The following CSMD3 variants were observed in gnomAD, a reference collection of about 807,000 sequenced individuals.
CSMD3 encodes CUB and sushi domain-containing protein 3.
Under a neutral mutation model 435.2 loss-of-function variants are expected in CSMD3, and 177 were observed. That is an observed-to-expected ratio of 0.41 (90% CI 0.36 to 0.46). The LOEUF is 0.46. CSMD3 is among the 20% of genes least tolerant of loss of function. The pLI is 0.34. For synonymous variants in CSMD3, 1,656 were observed against 1,520.5 expected, an observed-to-expected ratio of 1.09 and a Z score of -2.07; for missense variants, 4,265 against 4,504.6, an observed-to-expected ratio of 0.95 and a Z score of 1.52.
intron 35 of CSMD3, among the ~76,000 whole-genome samples, chr8:112,399,494 A>G (rs1446062584): frequency 6.6e-6 from 1 of 152,094 alleles, no homozygotes; most frequent in African/African-American, 2.4e-5. Flanking sequence ...TGACCTTGTG[A>G]TCTGCTCAGC....
intron 10 of CSMD3, among the ~76,000 whole-genome samples, chr8:112,907,105 T>G (rs1011609633): frequency 6.6e-6 from 1 of 151,382 alleles, no homozygotes; most frequent in Non-Finnish European, 1.5e-5. Context: ...AAAAGACAAA[T>G]CAGAAAAGGG....
intron 9 of CSMD3, among the ~76,000 whole-genome samples, chr8:112,938,893 T>C (rs1025292212): frequency 6.6e-6 from 1 of 152,134 alleles, no homozygotes; most frequent in East Asian, 1.9e-4. Context: ...CTGCTAAGTA[T>C]AGGAACTTCT....
rs1454445008 is a variant in CSMD3 at position 112,266,760 on chromosome 8, CA to C, written c.9509-1171del. 2.6e-5 allele frequency among the ~76,000 whole-genome samples: 4 copies of C among 152,236 alleles called. No homozygotes were observed. The East Asian group carries it at 7.7e-4, about 29-fold the overall frequency. The stretch of plus-strand genomic sequence containing the variant: ...TTTGATTAAATACAAACATAAGATT[CA>C]AACACTACAAAGATTATATATGTCA... On this transcript the variant is annotated intron_variant, in intron 59 of 70. Transcript: ENST00000297405.
At chr8:113,042,012 GA>G (rs1464843616) in intron 5 of CSMD3, among the ~76,000 whole-genome samples, 1 of 152,080 alleles carries the variant, frequency 6.6e-6, no homozygotes, top group African/African-American at 2.4e-5. Context: ...AAACATACTA[GA>G]ATTAATGCTT....
At chr8:112,274,496 C>T (rs1817844220) in intron 59 of CSMD3, among the ~76,000 whole-genome samples, 2 of 152,018 alleles carry the variant, frequency 1.3e-5, no homozygotes, top group South Asian at 2.1e-4. Context: ...AGAGAAATGT[C>T]TCTAGAGATA....
chr8:113,341,507 T>C (rs1035889043), intron 1 of CSMD3, among the ~76,000 whole-genome samples: 1 of 152,066 alleles, frequency 6.6e-6, no homozygotes, highest in Admixed American at 6.6e-5. Context: ...ATTTATAAAA[T>C]TTGTCTAACA....
chr8:112,434,132 T>C (rs980500308), intron 32 of CSMD3, among the ~76,000 whole-genome samples: 19 of 152,120 alleles, frequency 1.2e-4, no homozygotes, highest in Non-Finnish European at 2.2e-4. Flanking sequence ...TGTGAAGTGG[T>C]ACTTGGGAGT....
Position 112,410,640 on chromosome 8 carries a change from A to ATATATATGTGTATATATATATG in CSMD3, c.5396-1609_5396-1608insCATATATATATACACATATATA, listed in dbSNP as rs1563913212. ...TGTATATATATGTGTATATATATGT[A>ATATATATGTGTATATATATATG]TATATATATGTGTATATATATGTAT... On this transcript the variant is annotated intron_variant, in intron 32 of 70. Coordinates refer to ENST00000297405, the MANE Select transcript of CSMD3 (RefSeq NM_198123.2). 1.8e-3 allele frequency among the ~76,000 whole-genome samples: 101 copies of ATATATATGTGTATATATATATG among 57,506 alleles called. 3 individuals are homozygous for ATATATATGTGTATATATATATG. The South Asian group carries it at 0.022, about 12-fold the overall frequency. The allele number at this position is 57,506 out of a possible 152,430, so 37.7% of individuals were successfully genotyped here.
intron 38 of CSMD3, among the ~76,000 whole-genome samples, chr8:112,379,135 T>A (rs1299734130): frequency 4.6e-5 from 7 of 152,124 alleles, no homozygotes; most frequent in Non-Finnish European, 8.8e-5. Context: ...TACTTTAGAA[T>A]AAACTTAACC....
intron 11 of CSMD3, among the ~76,000 whole-genome samples, chr8:112,839,687 A>C (rs2080126321): frequency 6.6e-6 from 1 of 151,614 alleles, no homozygotes; most frequent in South Asian, 2.1e-4. Flanking sequence ...GTCCCTTATT[A>C]ATAATGGGGT....
At chr8:112,247,841 G>A (rs1240508448) in intron 63 of CSMD3, among the ~76,000 whole-genome samples, 1 of 152,050 alleles carries the variant, frequency 6.6e-6, no homozygotes, top group Non-Finnish European at 1.5e-5. Context: ...CCCTTTGGGT[G>A]GTGGTAATAA....
chr8:113,270,123 A>G (rs1190043601), intron 3 of CSMD3, among the ~76,000 whole-genome samples: 2 of 152,180 alleles, frequency 1.3e-5, no homozygotes, highest in African/African-American at 4.8e-5. Context: ...ACAAGAAAAA[A>G]ACAACCCCAT....
intron 3 of CSMD3, among the ~76,000 whole-genome samples, chr8:113,228,478 G>A (rs1180864000): frequency 6.6e-6 from 1 of 151,156 alleles, no homozygotes; most frequent in Non-Finnish European, 1.5e-5. Context: ...CAAAAATTTG[G>A]GTATTGTACA....
intron 47 of CSMD3, among the ~76,000 whole-genome samples, chr8:112,318,470 T>C (rs531242460): frequency 5.9e-5 from 9 of 152,092 alleles, no homozygotes; most frequent in African/African-American, 1.9e-4. Flanking sequence ...GTTTAATGAG[T>C]CTAGTGGTTA....
chr8:112,971,159 A>G (rs1443293392), intron 7 of CSMD3, among the ~76,000 whole-genome samples: 1 of 152,176 alleles, frequency 6.6e-6, no homozygotes, highest in East Asian at 1.9e-4. Context: ...TAAATTTGTG[A>G]TTCTTCTTTT....
intron 13 of CSMD3, among the ~76,000 whole-genome samples, chr8:112,742,737 T>C (rs557331984): frequency 3.4e-4 from 52 of 152,058 alleles, no homozygotes; most frequent in African/African-American, 1.2e-3. Flanking sequence ...TAAAGGAACA[T>C]TAATAGCAGT....
At chr8:113,112,389 ATATATATATATATAT>A (rs1157237295) in intron 4 of CSMD3, among the ~76,000 whole-genome samples, 1 of 148 alleles carries the variant, frequency 6.8e-3, no homozygotes, top group Middle Eastern at 0.5. Context: ...AATAAAACAT[ATATATATATATATAT>A]ATATATATAT....
chr8:112,417,523 T>C (rs547654627), intron 32 of CSMD3, among the ~76,000 whole-genome samples: 2 of 152,200 alleles, frequency 1.3e-5, no homozygotes, highest in Non-Finnish European at 2.9e-5. Flanking sequence ...AATTGAACTT[T>C]TATGTGAGCA....
chr8:112,825,580 G>A (rs980807170), intron 12 of CSMD3, among the ~76,000 whole-genome samples: 2 of 152,156 alleles, frequency 1.3e-5, no homozygotes, highest in African/African-American at 2.4e-5. Flanking sequence ...TCAATGGTCA[G>A]GTCCATCTTC....
Sources: gnomAD v4.1 joint callset for allele counts (sites outside exome capture counted in the v4.1 genomes callset) on GRCh38, gnomAD v4.1.1 for gene constraint, MANE v1.5 for transcripts, NCBI Gene and HGNC (gene_info 2026-07-23, HGNC 2026-07-21) for gene names.